CCT3: variants seen among roughly 807,000 people sequenced by gnomAD.
CCT3 encodes the protein T-complex protein 1 subunit gamma.
Under a neutral mutation model 65.3 loss-of-function variants are expected in CCT3, and 10 were observed. The ratio of observed to expected loss-of-function variants is 0.15; its 90% CI spans 0.09 to 0.26. The LOEUF (loss-of-function observed/expected upper bound fraction) is 0.26, where lower values mean the gene tolerates loss of function less well. Ranked by LOEUF, CCT3 falls within the 10% of genes least tolerant of loss-of-function variation. The probability of loss-of-function intolerance (pLI) is 1.00; values close to 1 mark genes in which losing one functional copy is unlikely to be tolerated. For missense variants in CCT3, 626 were observed against 708.7 expected, an observed-to-expected ratio of 0.88 and a Z score of 1.33; for synonymous variants, 225 against 242.3, an observed-to-expected ratio of 0.93 and a Z score of 0.66.
chr1:156,324,557 C>T (rs986252110), intron 6 of CCT3, among the ~76,000 whole-genome samples: 1 of 151,944 alleles, frequency 6.6e-6, no homozygotes, highest in African/African-American at 2.4e-5. Context: ...CTGCAATCTC[C>T]GCCCCCTGGT....
intron 2 of CCT3, chr1:156,335,532 A>T: frequency 2.8e-6 from 1 of 361,646 alleles, no homozygotes; most frequent in East Asian, 4.5e-5. Flanking sequence ...TAAAGTACTT[A>T]TGTTCAAGTA....
intron 1 of CCT3, chr1:156,337,930 T>G: frequency 1.7e-6 from 1 of 574,656 alleles, no homozygotes; most frequent in Non-Finnish European, 3.1e-6. Context: ...CGAGCACACG[T>G]CAAGGAAAGA....
chr1:156,310,310 T>C (rs1251081623), intron 13 of CCT3, among the ~76,000 whole-genome samples: 2 of 151,754 alleles, frequency 1.3e-5, no homozygotes, highest in African/African-American at 4.8e-5. Context: ...CTGAACAACA[T>C]AGTGAAACCC....
At chr1:156,325,423 A>T (rs1229059586) in intron 5 of CCT3, among the ~76,000 whole-genome samples, 2 of 152,062 alleles carry the variant, frequency 1.3e-5, no homozygotes, top group African/African-American at 4.8e-5. Context: ...GCTACTCAGG[A>T]GGCTGAGGTT....
chr1:156,325,989 T>C (rs1664788604), intron 5 of CCT3, among the ~76,000 whole-genome samples: 2 of 152,164 alleles, frequency 1.3e-5, no homozygotes, highest in African/African-American at 4.8e-5. Context: ...CCTTAGGATG[T>C]AGTCAAACTG....
At chr1:156,324,376 T>C (rs1041995893) in intron 6 of CCT3, among the ~76,000 whole-genome samples, 1 of 152,202 alleles carries the variant, frequency 6.6e-6, no homozygotes, top group East Asian at 1.9e-4. Flanking sequence ...TTTTACTTTT[T>C]AAACAAAAAT....
chr1:156,321,322 C>T (rs573452160), intron 6 of CCT3, among the ~76,000 whole-genome samples: 55 of 152,272 alleles, frequency 3.6e-4, no homozygotes, highest in Non-Finnish European at 7.4e-4. Context: ...ACCAAGTAAA[C>T]TTTTCAACTT....
chr1:156,323,119 C>T (rs965768827), intron 6 of CCT3, among the ~76,000 whole-genome samples: 1 of 151,818 alleles, frequency 6.6e-6, no homozygotes, highest in Non-Finnish European at 1.5e-5. Flanking sequence ...CCAGCCTGAC[C>T]AACATGGAGA....
At position 156,325,056 on chromosome 1, in the gene CCT3, A is replaced by C; in HGVS notation, c.338T>G (p.Leu113Arg). 1 of 1,613,422 alleles carries C rather than the reference A, an allele frequency of 6.2e-7. No individual in the cohort carries two copies. The highest frequency in any genetic ancestry group is 8.5e-7 in the Non-Finnish European group (1 of 1,179,832). The change falls in exon 6 of 14, where the codon CTG (leucine) becomes CGG (arginine). Residue 113 changes from leucine to arginine, a missense_variant. Coordinates refer to ENST00000295688, the MANE Select transcript of CCT3 (RefSeq NM_005998.5). Reference protein sequence around the residue: ...GEMLSVAEHFLEQQMHPTVVI... With the variant: ...GEMLSVAEHFREQQMHPTVVI... ...CACTGTTGGGTGCATCTGCTGCTCC[A>C]GGAAGTGCTCAGCTACAGACAGCAT...
At chr1:156,335,623 C>G in intron 2 of CCT3, 1 of 518,782 alleles carries the variant, frequency 1.9e-6, no homozygotes, top group South Asian at 3.2e-5. Context: ...CAAGTTAATA[C>G]GAGAAGATTA....
intron 1 of CCT3, 161 bp from the exon 2 acceptor site, chr1:156,336,049 T>C (rs1665333758): frequency 3.9e-6 from 2 of 515,562 alleles, no homozygotes; most frequent in Non-Finnish European, 6.9e-6. Context: ...GTTTATTATA[T>C]GTCAACCATA....
chr1:156,311,518 G>A (rs1664081955), intron 11 of CCT3, among the ~76,000 whole-genome samples: 1 of 152,162 alleles, frequency 6.6e-6, no homozygotes, highest in Non-Finnish European at 1.5e-5. Flanking sequence ...TAAACAGCAT[G>A]TATCTTGATA....
At chr1:156,328,057 A>G (rs61814801) in intron 5 of CCT3, among the ~76,000 whole-genome samples, 3 of 4,638 alleles carry the variant, frequency 6.5e-4, no homozygotes, top group Non-Finnish European at 1.3e-3. Context: ...CAGCCGCCCC[A>G]TCTGGCAGGG....
At chr1:156,333,309 A>AT in intron 5 of CCT3, 1 of 398,436 alleles carries the variant, frequency 2.5e-6, no homozygotes, top group East Asian at 6.0e-5. Context: ...AAAAAAAAAA[A>AT]GAATATTATA....
intron 10 of CCT3, 83 bp from the exon 11 acceptor site, chr1:156,312,304 G>T: frequency 7.6e-7 from 1 of 1,311,110 alleles, no homozygotes. Context: ...CTGTAGCTAG[G>T]GATAAGGGCA....
chr1:156,325,708 G>A (rs554140075), intron 5 of CCT3, among the ~76,000 whole-genome samples: 2 of 151,784 alleles, frequency 1.3e-5, no homozygotes, highest in African/African-American at 4.8e-5. Flanking sequence ...CTCCCAAGTA[G>A]CTGGGATTAC....
chr1:156,334,066 T>G (rs1276320598), intron 4 of CCT3, among the ~76,000 whole-genome samples: 1 of 152,032 alleles, frequency 6.6e-6, no homozygotes, highest in Non-Finnish European at 1.5e-5. Flanking sequence ...GGGGAAACCC[T>G]GTCTCTACTA....
At chr1:156,334,062 A>C (rs1441614272) in intron 4 of CCT3, among the ~76,000 whole-genome samples, 1 of 151,870 alleles carries the variant, frequency 6.6e-6, no homozygotes, top group Non-Finnish European at 1.5e-5. Context: ...ACATGGGGAA[A>C]CCCTGTCTCT....
At chr1:156,330,567 G>A (rs1034082445) in intron 5 of CCT3, among the ~76,000 whole-genome samples, 2 of 152,094 alleles carry the variant, frequency 1.3e-5, no homozygotes, top group East Asian at 1.9e-4. Flanking sequence ...AGGAGGCTGA[G>A]GCATGAGAAT....
Sources: allele counts gnomAD v4.1 joint callset (sites outside exome capture counted in the v4.1 genomes callset), GRCh38; gene constraint gnomAD v4.1.1; transcripts MANE v1.5; gene names NCBI Gene and HGNC (gene_info 2026-07-23, HGNC 2026-07-21).